The following ITGA9 variants were observed in gnomAD, a reference collection of about 807,000 sequenced individuals.
ITGA9 encodes the protein integrin subunit alpha 9.
Under a neutral mutation model 127.8 loss-of-function variants are expected in ITGA9, and 56 were observed. The observed-to-expected ratio is 0.44, with a 90% confidence interval of 0.35 to 0.55. The LOEUF (loss-of-function observed/expected upper bound fraction) is 0.55. Ranked by LOEUF, ITGA9 falls within the 20% of genes least tolerant of loss-of-function variation. The pLI, the probability that ITGA9 is intolerant of heterozygous loss-of-function variation, is 0.00. For missense variants in ITGA9, 1,196 were observed against 1,347.1 expected, an observed-to-expected ratio of 0.89 and a Z score of 1.76; for synonymous variants, 508 against 514.5, an observed-to-expected ratio of 0.99 and a Z score of 0.17.
chr3:37,506,872 A>G (rs1227909698), intron 7 of ITGA9, among the ~76,000 whole-genome samples: 1 of 152,206 alleles, frequency 6.6e-6, no homozygotes, highest in Non-Finnish European at 1.5e-5. Flanking sequence ...GACCTGTGAT[A>G]GAGTCTGGTC....
chr3:37,718,709 G>A (rs528113348), intron 18 of ITGA9, among the ~76,000 whole-genome samples: 3 of 152,288 alleles, frequency 2.0e-5, no homozygotes, highest in African/African-American at 7.2e-5. Flanking sequence ...TTTCACTTTT[G>A]AGGGTTTTTA....
Position 37,629,429 on chromosome 3 carries a change from C to T in ITGA9, c.1839+93C>T. 6.9e-7 allele frequency: 1 copy of T among 1,448,724 alleles called. No individual in the cohort carries two copies. The highest frequency in any genetic ancestry group is 1.2e-5 in the South Asian group (1 of 83,290). The allele number at this position is 1,448,724 out of a possible 1,614,324, so 89.7% of individuals were successfully genotyped here. A position where few individuals can be genotyped will look rare whatever the true frequency, so the allele number is the denominator to read the frequency against. Reference sequence around the variant, plus strand: ...AAAGTTGAGAGAGCCGTGGGCCTGGCTGCTCAGGAGACCGCAGCCAGGACA... The same window carrying T: ...AAAGTTGAGAGAGCCGTGGGCCTGGTTGCTCAGGAGACCGCAGCCAGGACA... On this transcript the variant is annotated intron_variant, in intron 16 of 27. Coordinates refer to ENST00000264741, the MANE Select transcript of ITGA9 (RefSeq NM_002207.3). The surrounding 1 kb of genome is among the most constrained non-coding windows in gnomAD (Gnocchi z 4.5).
intron 15 of ITGA9, among the ~76,000 whole-genome samples, chr3:37,618,943 A>G (rs2125630224): frequency 6.6e-6 from 1 of 152,068 alleles, no homozygotes; most frequent in Admixed American, 6.5e-5. Context: ...GCTTCGGCTC[A>G]CGCTTGGTGT....
chr3:37,498,058 G>T (rs183181096), intron 5 of ITGA9, among the ~76,000 whole-genome samples: 2 of 152,204 alleles, frequency 1.3e-5, no homozygotes, highest in Non-Finnish European at 2.9e-5. Flanking sequence ...GAGCTGTGGG[G>T]TAGAGGAAGG....
At position 37,778,445 on chromosome 3, in the gene ITGA9, C is replaced by A. The variant is rs943671339; in HGVS notation, c.2667+928C>A. Among the ~76,000 whole-genome samples, 3 of 152,174 alleles carry A rather than the reference C, an allele frequency of 2.0e-5. No individual in the cohort carries two copies. In the South Asian group the frequency reaches 6.2e-4, roughly 32 times the overall value. ...CCAGCCTGGCCAACATGGTGAAACC[C>A]TGTATCTACTAAAAATACAAAAATT... On this transcript the variant is annotated intron_variant, in intron 24 of 27. Transcript: ENST00000264741.
At chr3:37,531,964 T>A (rs1366498088) in intron 13 of ITGA9, among the ~76,000 whole-genome samples, 3 of 152,056 alleles carry the variant, frequency 2.0e-5, no homozygotes, top group Non-Finnish European at 4.4e-5. Context: ...GGTGGGAACA[T>A]TTGAGCTGGC....
chr3:37,512,008 CTTTTCTTTTCTTTTCT>C (rs1344370761), intron 8 of ITGA9, among the ~76,000 whole-genome samples: 769 of 32,788 alleles, frequency 0.023, 29 homozygotes, highest in Non-Finnish European at 0.025. Flanking sequence ...CTTTTCTTTT[CTTTTCTTTTCTTTTCT>C]TTTCTTTCTT....
chr3:37,758,968 T>A (rs1284246064), intron 23 of ITGA9, among the ~76,000 whole-genome samples: 1 of 151,938 alleles, frequency 6.6e-6, no homozygotes, highest in Non-Finnish European at 1.5e-5. Flanking sequence ...ATACAGCCTC[T>A]GACCAGTCAC....
chr3:37,476,558 G>A (rs1210178340), intron 3 of ITGA9, among the ~76,000 whole-genome samples: 1 of 152,022 alleles, frequency 6.6e-6, no homozygotes, highest in Non-Finnish European at 1.5e-5. Context: ...TATTGTTGTT[G>A]AGTTATCCTC....
At chr3:37,502,252 T>C (rs1452009081) in intron 5 of ITGA9, among the ~76,000 whole-genome samples, 2 of 148,738 alleles carry the variant, frequency 1.3e-5, no homozygotes, top group African/African-American at 5.0e-5. Flanking sequence ...TCTTGCTATG[T>C]CACCCAGGCT....
intron 5 of ITGA9, among the ~76,000 whole-genome samples, chr3:37,495,479 C>T (rs990804596): frequency 1.4e-4 from 21 of 152,282 alleles, no homozygotes; most frequent in African/African-American, 4.8e-4. Context: ...ACTGTCTATC[C>T]ATGTGGTTGC....
In ITGA9 at chr3:37,822,464, C is replaced by T. The variant is rs1697525857; in HGVS notation, c.*3475C>T. Reference sequence around the variant, plus strand: ...TAGCAGGAGGGGCAGGGTCCACTGGCTTAGTGGCAACTGACAGGCATCCAT... The same window carrying T: ...TAGCAGGAGGGGCAGGGTCCACTGGTTTAGTGGCAACTGACAGGCATCCAT... On this transcript the variant is annotated 3_prime_UTR_variant, in exon 28 of 28. Transcript: ENST00000264741. The T allele has an allele frequency of 6.6e-6, 1 of 152,190 alleles. No individual in the cohort carries two copies. The highest frequency in any genetic ancestry group is 2.4e-5 in the African/African-American group (1 of 41,442). The allele number at this position is 152,190 out of a possible 1,614,324, so 9.4% of individuals were successfully genotyped here.
intron 17 of ITGA9, among the ~76,000 whole-genome samples, chr3:37,670,083 A>AG (rs1700622934): frequency 6.6e-6 from 1 of 151,828 alleles, no homozygotes; most frequent in South Asian, 2.1e-4. Flanking sequence ...GTTTTTTCCA[A>AG]GAAAAAAAAG....
chr3:37,753,202 T>C (rs6800234), intron 23 of ITGA9, among the ~76,000 whole-genome samples: 61,279 of 152,060 alleles, frequency 0.4, 13,968 homozygotes, highest in African/African-American at 0.63. Context: ...GCAAAATTAC[T>C]AGTAACAAAT....
Position 37,700,641 on chromosome 3 carries a change from C to T in ITGA9, c.2067+16626C>T, listed in dbSNP as rs536314176. Among the ~76,000 whole-genome samples, 4 of 152,320 alleles carry T rather than the reference C, an allele frequency of 2.6e-5. No individual in the cohort carries two copies. In the East Asian group the frequency reaches 7.7e-4, roughly 29 times the overall value. ...CTGGAGATTACAGAGTGAGCCACCA[C>T]ACCCGGCCTGGAATGACTTTTTATT... On this transcript the variant is annotated intron_variant, in intron 18 of 27. Transcript: ENST00000264741.
At chr3:37,464,346 A>G (rs546757060) in intron 1 of ITGA9, among the ~76,000 whole-genome samples, 7 of 149,666 alleles carry the variant, frequency 4.7e-5, no homozygotes, top group East Asian at 2.0e-4. Context: ...CTAAGGATCT[A>G]TGAGCTCTTG....
chr3:37,610,449 C>T (rs1382169555), intron 15 of ITGA9, among the ~76,000 whole-genome samples: 1 of 152,100 alleles, frequency 6.6e-6, no homozygotes, highest in African/African-American at 2.4e-5. Context: ...TTCCTACTTG[C>T]AAAGACTCTG....
At chr3:37,484,137 G>T (rs1339814249) in intron 4 of ITGA9, among the ~76,000 whole-genome samples, 2 of 152,120 alleles carry the variant, frequency 1.3e-5, no homozygotes, top group Non-Finnish European at 2.9e-5. Flanking sequence ...TCCCATGGGC[G>T]CACACACACT....
At chr3:37,777,543 T>G (rs763216968) in intron 24 of ITGA9, 26 bp downstream of exon 24, 2 of 1,613,462 alleles carry the variant, frequency 1.2e-6, no homozygotes, top group Non-Finnish European at 1.7e-6. Context: ...GTGGTTGGGG[T>G]AACACGGGTG....
Sources: gnomAD v4.1 joint callset for allele counts (sites outside exome capture counted in the v4.1 genomes callset) on GRCh38, gnomAD v4.1.1 for gene constraint, Gnocchi (gnomAD v3.1) non-coding constraint, MANE v1.5 for transcripts, NCBI Gene and HGNC (gene_info 2026-07-23, HGNC 2026-07-21) for gene names.